Variants in CPNE8 observed in about 807,000 individuals in gnomAD.
The protein encoded by CPNE8 is copine 8.
In CPNE8, 45 loss-of-function variants were observed where a neutral mutation model predicts 81.5. The observed-to-expected ratio is 0.55, with a 90% CI of 0.44 to 0.71. The LOEUF (loss-of-function observed/expected upper bound fraction) is 0.71. CPNE8 is among the 30% of genes least tolerant of loss of function. CPNE8 has a pLI of 0.00. For synonymous variants in CPNE8, 252 were observed against 226.3 expected, an observed-to-expected ratio of 1.11 and a Z score of -1.02; for missense variants, 594 against 672.1, an observed-to-expected ratio of 0.88 and a Z score of 1.28.
rs542933558 is a variant in CPNE8 at position 38,806,230 on chromosome 12, G to A, written c.407+23149C>T. Among the ~76,000 whole-genome samples the A allele has an allele frequency of 8.7e-5, 13 of 150,184 alleles. 2 individuals are homozygous for A. In the South Asian group the frequency reaches 2.6e-3, roughly 30 times the overall value. On this transcript the variant is annotated intron_variant, in intron 6 of 19. Coordinates refer to ENST00000331366, the MANE Select transcript of CPNE8 (RefSeq NM_153634.3). ...ACTATTCCAATCAATAGAAAAAGAG[G>A]GAATCCTCCCTAACTCATTTGATGA...
At chr12:38,725,407 A>C (rs1262258492) in intron 11 of CPNE8, among the ~76,000 whole-genome samples, 3 of 152,222 alleles carry the variant, frequency 2.0e-5, no homozygotes, top group Admixed American at 1.3e-4. Context: ...TGTAGACATA[A>C]GATTGGCCTT....
At chr12:38,668,437 T>A (rs1403876212) in intron 19 of CPNE8, among the ~76,000 whole-genome samples, 1 of 152,198 alleles carries the variant, frequency 6.6e-6, no homozygotes, top group African/African-American at 2.4e-5. Flanking sequence ...AAACATAACC[T>A]ATTGGTCTTC....
intron 6 of CPNE8, among the ~76,000 whole-genome samples, chr12:38,789,435 A>G (rs1313469023): frequency 6.6e-6 from 1 of 151,930 alleles, no homozygotes; most frequent in Non-Finnish European, 1.5e-5. Flanking sequence ...ATCTTTTGCT[A>G]TATACAAAAA....
At chr12:38,776,508 C>T (rs1941940668) in intron 6 of CPNE8, among the ~76,000 whole-genome samples, 1 of 151,446 alleles carries the variant, frequency 6.6e-6, no homozygotes, top group Non-Finnish European at 1.5e-5. Flanking sequence ...TGGGGTTTCG[C>T]CATGTTGGCC....
At chr12:38,780,302 T>C (rs1315253838) in intron 6 of CPNE8, among the ~76,000 whole-genome samples, 8 of 152,088 alleles carry the variant, frequency 5.3e-5, no homozygotes. Flanking sequence ...TAATGCAGCA[T>C]GGAGAAGCAG....
In CPNE8 at chr12:38,717,427, GTGTATATATATATATATA is replaced by G. The variant is rs1199771077; in HGVS notation, c.914+6327_914+6344del. On this transcript the variant is annotated intron_variant, in intron 13 of 19. Transcript: ENST00000331366. Reference sequence around the variant, plus strand: ...CCAACAAGTAAACAAAGAAAGTGTGGTGTATATATATATATATATATATATATATATACACCATGGAAT... The same window carrying G: ...CCAACAAGTAAACAAAGAAAGTGTGGTATATATATATATACACCATGGAAT... Among the ~76,000 whole-genome samples, 17 of 69,728 alleles carry G rather than the reference GTGTATATATATATATATA, an allele frequency of 2.4e-4. 1 individual carries two copies. Among genetic ancestry groups the G allele is most frequent in the African/African-American group, 6.9e-4 (12 of 17,440 alleles). 45.7% of individuals were successfully genotyped at this position (69,728 alleles called of 152,430 possible).
intron 6 of CPNE8, among the ~76,000 whole-genome samples, chr12:38,796,545 C>T (rs1049417271): frequency 6.6e-6 from 1 of 151,986 alleles, no homozygotes; most frequent in African/African-American, 2.4e-5. Flanking sequence ...AGTATCAAGA[C>T]TATATAAAAA....
At chr12:38,737,849 A>C (rs1486344) in intron 10 of CPNE8, among the ~76,000 whole-genome samples, 149,412 of 152,148 alleles carry the variant, frequency 0.98, 73,411 homozygotes, top group Middle Eastern at 1. Context: ...CTCCTGCACA[A>C]ACGTATACAA....
intron 6 of CPNE8, among the ~76,000 whole-genome samples, chr12:38,781,615 A>G (rs1942054753): frequency 6.6e-6 from 1 of 152,138 alleles, no homozygotes; most frequent in South Asian, 2.1e-4. Flanking sequence ...TGCATCTACT[A>G]TTATAGCTCC....
chr12:38,754,965 G>A (rs1288162688), intron 10 of CPNE8, among the ~76,000 whole-genome samples: 1 of 152,060 alleles, frequency 6.6e-6, no homozygotes, highest in African/African-American at 2.4e-5. Context: ...AAATAAATAC[G>A]AAAAATATAA....
intron 8 of CPNE8, among the ~76,000 whole-genome samples, chr12:38,762,489 G>C (rs543656084): frequency 6.6e-6 from 1 of 152,286 alleles, no homozygotes; most frequent in Admixed American, 6.5e-5. Context: ...GTGGTGACAT[G>C]CTGATGGAGT....
intron 4 of CPNE8, among the ~76,000 whole-genome samples, chr12:38,845,812 CTTG>C (rs1473161740): frequency 1.3e-5 from 2 of 152,130 alleles, no homozygotes; most frequent in Non-Finnish European, 2.9e-5. Context: ...AGATGATGGA[CTTG>C]TTACTCCTCT....
At chr12:38,671,954 T>C (rs925993298) in intron 18 of CPNE8, among the ~76,000 whole-genome samples, 5 of 152,136 alleles carry the variant, frequency 3.3e-5, no homozygotes, top group African/African-American at 9.6e-5. Context: ...ATTATCCCAA[T>C]GCAGAAGACA....
At chr12:38,726,488 T>A (rs1940700630) in intron 11 of CPNE8, 1 of 152,162 alleles carries the variant, frequency 6.6e-6, no homozygotes, top group Non-Finnish European at 1.5e-5. Context: ...GGTTCAATGG[T>A]TATTCTATTA....
chr12:38,835,251 G>T lies in CPNE8; in HGVS notation c.330+4665C>A, dbSNP rs1391579705. Among the ~76,000 whole-genome samples the T allele has an allele frequency of 5.3e-5, 8 of 152,054 alleles. 1 individual carries two copies. The South Asian group carries it at 1.7e-3, about 32-fold the overall frequency. On this transcript the variant is annotated intron_variant, in intron 5 of 19. Transcript: ENST00000331366. The stretch of plus-strand genomic sequence containing the variant: ...TTTTGCCTGGGATGCTGTTCTCCTA[G>T]ATTTTCAATCATTCCCTCCTTCTCC...
chr12:38,815,640 G>T (rs1052948921), intron 6 of CPNE8, among the ~76,000 whole-genome samples: 7 of 152,104 alleles, frequency 4.6e-5, no homozygotes, highest in African/African-American at 1.7e-4. Context: ...TACATCATAT[G>T]CCAGAAACTA....
intron 19 of CPNE8, among the ~76,000 whole-genome samples, chr12:38,659,248 T>C (rs1206634724): frequency 1.3e-5 from 2 of 148,186 alleles, no homozygotes; most frequent in Non-Finnish European, 3.0e-5. Flanking sequence ...GGGATTGCAA[T>C]GCTAGTCTCT....
Position 38,683,960 on chromosome 12 carries a change from T to G in CPNE8, c.1271+1530A>C, listed in dbSNP as rs937359649. 1.3e-4 allele frequency among the ~76,000 whole-genome samples: 20 copies of G among 152,228 alleles called. No individual in the cohort carries two copies. The East Asian group carries it at 3.9e-3, about 29-fold the overall frequency. On this transcript the variant is annotated intron_variant, in intron 16 of 19. Coordinates refer to ENST00000331366, the MANE Select transcript of CPNE8 (RefSeq NM_153634.3). ...CACCTAGATATTTTATATCTATCAC[T>G]TTAACTTTTACTATAAATATATACC...
chr12:38,722,092 C>T (rs951585997), intron 13 of CPNE8, among the ~76,000 whole-genome samples: 3 of 152,164 alleles, frequency 2.0e-5, no homozygotes, highest in Non-Finnish European at 1.5e-5. Flanking sequence ...AAAGGTGCCA[C>T]CGGCCAGAGG....
Sources: gnomAD v4.1 joint callset for allele counts (sites outside exome capture counted in the v4.1 genomes callset) on GRCh38, gnomAD v4.1.1 for gene constraint, MANE v1.5 for transcripts, NCBI Gene and HGNC (gene_info 2026-07-23, HGNC 2026-07-21) for gene names.